SLCO2A1: variants seen among roughly 807,000 people sequenced by gnomAD.
SLCO2A1 encodes the protein solute carrier organic anion transporter family member 2A1.
Under a neutral mutation model 71.7 loss-of-function variants are expected in SLCO2A1, and 60 were observed. The ratio of observed to expected loss-of-function variants is 0.84; its 90% CI spans 0.68 to 1.04. The LOEUF (loss-of-function observed/expected upper bound fraction) is 1.04, where lower values mean the gene tolerates loss of function less well. Ranked by LOEUF, SLCO2A1 falls within the 50% of genes least tolerant of loss-of-function variation. SLCO2A1 has a pLI of 0.00. For synonymous variants in SLCO2A1, 308 were observed against 326.7 expected, an observed-to-expected ratio of 0.94 and a Z score of 0.62; for missense variants, 745 against 813.4, an observed-to-expected ratio of 0.92 and a Z score of 1.02.
rs1559932912 is a variant in SLCO2A1 at position 133,951,347 on chromosome 3, GA to G, written c.725-4del. On this transcript the variant is annotated splice_region_variant and splice_polypyrimidine_tract_variant and intron_variant, in intron 5 of 13. Coordinates refer to ENST00000310926, the MANE Select transcript of SLCO2A1 (RefSeq NM_005630.3). ...ACCCGGGACCAAGTTAACTGCAGCT[GA>G]AGAGAAAACGAAGAGTGCAAATGTT... 6.2e-7 allele frequency: 1 copy of G among 1,613,986 alleles called. No homozygotes were observed. Among genetic ancestry groups the G allele is most frequent in the Non-Finnish European group, 8.5e-7 (1 of 1,179,958 alleles).
intron 1 of SLCO2A1, among the ~76,000 whole-genome samples, chr3:134,020,702 T>G (rs1935556563): frequency 6.6e-6 from 1 of 150,942 alleles, no homozygotes; most frequent in Admixed American, 6.6e-5. Flanking sequence ...TGGTTTTGAC[T>G]TGGTTTGAAT....
chr3:133,989,847 G>A (rs1934799955), intron 1 of SLCO2A1, among the ~76,000 whole-genome samples: 1 of 152,192 alleles, frequency 6.6e-6, no homozygotes, highest in Admixed American at 6.5e-5. Flanking sequence ...AGTTATAATT[G>A]CAAAGCCCCC....
chr3:134,004,687 G>C lies in SLCO2A1; in HGVS notation c.96+25020C>G, dbSNP rs942503320. On this transcript the variant is annotated intron_variant, in intron 1 of 13. Transcript: ENST00000310926. ...GGTCCAAAACAAAAAAAGGTGAAAA[G>C]GAGAGTGATTCAGATGGTGACATGC... Among the ~76,000 whole-genome samples, 10 of 152,328 alleles carry C rather than the reference G, an allele frequency of 6.6e-5. No individual in the cohort carries two copies. The South Asian group carries it at 1.2e-3, about 19-fold the overall frequency.
rs1934046476 is a variant in SLCO2A1, at chr3:133,961,937, C to G, written c.398-6744G>C. ...GCTGTGGCCCACTAACAGAACCGGCCTTATGCGGGGACAGGTGTTTATGTC... is the reference window on the plus strand; with the variant it reads ...GCTGTGGCCCACTAACAGAACCGGCGTTATGCGGGGACAGGTGTTTATGTC... On this transcript the variant is annotated intron_variant, in intron 3 of 13. Coordinates refer to ENST00000310926, the MANE Select transcript of SLCO2A1 (RefSeq NM_005630.3). 2.0e-5 allele frequency among the ~76,000 whole-genome samples: 3 copies of G among 152,190 alleles called. No homozygotes were observed. In the South Asian group the frequency reaches 6.2e-4, roughly 32 times the overall value.
chr3:133,965,419 C>T (rs973613399), intron 3 of SLCO2A1, among the ~76,000 whole-genome samples: 4 of 152,212 alleles, frequency 2.6e-5, no homozygotes, highest in African/African-American at 9.7e-5. Context: ...CCACTCAACG[C>T]TTGTCACGGA....
At chr3:133,943,198 G>A (rs1933479782) in intron 10 of SLCO2A1, among the ~76,000 whole-genome samples, 1 of 152,224 alleles carries the variant, frequency 6.6e-6, no homozygotes, top group African/African-American at 2.4e-5. Context: ...GGAACACAGT[G>A]GAATTCCCTG....
At chr3:134,029,643 G>T in intron 1 of SLCO2A1, 64 bp downstream of exon 1, 2 of 1,359,532 alleles carry the variant, frequency 1.5e-6, no homozygotes, top group African/African-American at 1.5e-5. Flanking sequence ...GACAGAAGCG[G>T]GTGCCCAGCC....
chr3:133,956,148 A>G (rs1576433287), intron 3 of SLCO2A1, among the ~76,000 whole-genome samples: 1 of 152,110 alleles, frequency 6.6e-6, no homozygotes, highest in African/African-American at 2.4e-5. Context: ...GACGTCACCA[A>G]TCTCACTCGC....
chr3:134,008,818 G>A (rs1026039481), intron 1 of SLCO2A1, among the ~76,000 whole-genome samples: 2 of 152,194 alleles, frequency 1.3e-5, no homozygotes, highest in Non-Finnish European at 2.9e-5. Flanking sequence ...AAAGGAAAAG[G>A]CTCCACATTC....
At chr3:133,957,891 C>T (rs1933934952) in intron 3 of SLCO2A1, among the ~76,000 whole-genome samples, 1 of 152,172 alleles carries the variant, frequency 6.6e-6, no homozygotes, top group Non-Finnish European at 1.5e-5. Context: ...TTCTCTGTGT[C>T]ATTAAAGAGG....
At chr3:133,989,780 G>A (rs940394681) in intron 1 of SLCO2A1, among the ~76,000 whole-genome samples, 1 of 152,148 alleles carries the variant, frequency 6.6e-6, no homozygotes, top group Non-Finnish European at 1.5e-5. Context: ...CACTTGTTCT[G>A]CAGTTTCTTG....
intron 8 of SLCO2A1, among the ~76,000 whole-genome samples, chr3:133,948,220 C>T (rs1264752145): frequency 6.6e-6 from 1 of 152,160 alleles, no homozygotes; most frequent in African/African-American, 2.4e-5. Context: ...ATTCAACCTT[C>T]CCTCTTTCCT....
chr3:134,020,878 G>A (rs1341686733), intron 1 of SLCO2A1, among the ~76,000 whole-genome samples: 1 of 152,050 alleles, frequency 6.6e-6, no homozygotes, highest in Non-Finnish European at 1.5e-5. Flanking sequence ...TTGAGTGGAA[G>A]CTTGGCCTGA....
At chr3:133,957,787 G>T (rs1306645729) in intron 3 of SLCO2A1, among the ~76,000 whole-genome samples, 5 of 152,154 alleles carry the variant, frequency 3.3e-5, no homozygotes, top group Non-Finnish European at 7.3e-5. Context: ...ATAAAAATTG[G>T]TTTTATCCCT....
rs60871049 is a variant in SLCO2A1 at position 133,954,153 on chromosome 3, CTTT to C, written c.626-395_626-393del. 9.7e-3 allele frequency among the ~76,000 whole-genome samples: 589 copies of C among 60,864 alleles called. 9 individuals carry two copies. The highest frequency in any genetic ancestry group is 0.025 in the African/African-American group (527 of 21,228). The allele number at this position is 60,864 out of a possible 152,430, so 39.9% of individuals were successfully genotyped here. ...CTGAGGATGCTCAAAGTGGTGTGTT[CTTT>C]TTTTTTTTTTTTTTTTTTTTTTTTA... On this transcript the variant is annotated intron_variant, in intron 4 of 13. Transcript: ENST00000310926.
intron 11 of SLCO2A1, 48 bp from the exon 12 acceptor site, chr3:133,938,541 C>T (rs200501467): frequency 2.6e-5 from 41 of 1,581,106 alleles, no homozygotes; most frequent in African/African-American, 1.5e-4. Flanking sequence ...CAGGGCTGCA[C>T]GATCCCTTGG....
rs1462634003 is a variant in SLCO2A1 at position 134,029,739 on chromosome 3, G to T, written c.64C>A (p.Arg22Ser). The part of the protein sequence containing the change: ...GSDTSTSRAG[R>S]CARSVFGNIK... The stretch of plus-strand genomic sequence containing the variant: ...TTGCCGAAGACCGAGCGGGCACAGC[G>T]GCCGGCTCGGCTAGTAGAGGTGTCG... Residue 22 changes from arginine (R) to serine (S), a missense_variant, in exon 1 of 14, where the codon CGC becomes AGC. By Grantham distance (110) the Arg-to-Ser change is moderately radical. Transcript: ENST00000310926. 2 of 1,588,418 alleles carry T rather than the reference G, an allele frequency of 1.3e-6. No individual in the cohort carries two copies. The highest frequency in any genetic ancestry group is 2.4e-5 in the East Asian group (1 of 42,538).
intron 1 of SLCO2A1, among the ~76,000 whole-genome samples, chr3:134,008,030 T>C (rs1229317667): frequency 6.6e-6 from 1 of 152,222 alleles, no homozygotes; most frequent in African/African-American, 2.4e-5. Flanking sequence ...CAATAGCTGC[T>C]TATGGTTCAT....
chr3:133,941,381 T>TATC (rs1229193546), intron 11 of SLCO2A1, among the ~76,000 whole-genome samples: 2 of 152,162 alleles, frequency 1.3e-5, no homozygotes, highest in Non-Finnish European at 2.9e-5. Flanking sequence ...TTGAGTTCGA[T>TATC]ATCATCATCA....
Sources: gnomAD v4.1 joint callset for allele counts (sites outside exome capture counted in the v4.1 genomes callset) on GRCh38, gnomAD v4.1.1 for gene constraint, MANE v1.5 for transcripts, NCBI Gene and HGNC (gene_info 2026-07-23, HGNC 2026-07-21) for gene names.